The following B4GALT6 variants were observed in gnomAD, a reference collection of about 807,000 sequenced individuals.
The protein encoded by B4GALT6 is UDP-Gal:beta-GlcNAc beta-1,4-galactosyltransferase 6.
Under a neutral mutation model 46.3 loss-of-function variants are expected in B4GALT6, and 14 were observed. The observed-to-expected ratio is 0.30, with a 90% CI of 0.20 to 0.47. The LOEUF (loss-of-function observed/expected upper bound fraction) is 0.47. B4GALT6 is among the 20% of genes least tolerant of loss of function. The pLI is 0.99. For synonymous variants in B4GALT6, 168 were observed against 162.0 expected, an observed-to-expected ratio of 1.04 and a Z score of -0.28; for missense variants, 386 against 480.1, an observed-to-expected ratio of 0.80 and a Z score of 1.83.
chr18:31,635,008 C>T (rs1483837300), intron 5 of B4GALT6, among the ~76,000 whole-genome samples: 4 of 152,018 alleles, frequency 2.6e-5, no homozygotes, highest in Non-Finnish European at 5.9e-5. Context: ...TTTGGGAGGC[C>T]GAGGAGGGTG....
At chr18:31,721,304 G>A in the B4GALT6 span, among the ~76,000 whole-genome samples, 1 of 152,082 alleles carries the variant, frequency 6.6e-6, no homozygotes, top group Non-Finnish European at 1.5e-5. Context: ...CCTGCACGTT[G>A]TGCACATGTA....
chr18:31,693,780 C>T, the B4GALT6 span, among the ~76,000 whole-genome samples: 1 of 151,908 alleles, frequency 6.6e-6, no homozygotes, highest in Non-Finnish European at 1.5e-5. Context: ...CCAGCCTGGG[C>T]AATATAGTGG....
chr18:31,626,896 C>A, intron 7 of B4GALT6, 103 bp downstream of exon 7: 3 of 967,840 alleles, frequency 3.1e-6, no homozygotes, highest in South Asian at 1.8e-5. Flanking sequence ...CAAACATATC[C>A]CATCCCAAAG....
At chr18:31,673,172 A>C (rs955651603) in intron 1 of B4GALT6, among the ~76,000 whole-genome samples, 3 of 152,168 alleles carry the variant, frequency 2.0e-5, no homozygotes, top group Non-Finnish European at 4.4e-5. Context: ...GCAGAGGCTG[A>C]AGTGCACAGG....
intron 5 of B4GALT6, among the ~76,000 whole-genome samples, chr18:31,636,961 C>T (rs980438473): frequency 6.6e-6 from 1 of 152,218 alleles, no homozygotes; most frequent in African/African-American, 2.4e-5. Flanking sequence ...GCTGGGATTA[C>T]AGGTGCCTGC....
intron 1 of B4GALT6, among the ~76,000 whole-genome samples, chr18:31,681,021 A>T (rs1175588250): frequency 6.6e-6 from 1 of 152,056 alleles, no homozygotes; most frequent in Non-Finnish European, 1.5e-5. Context: ...TTCCCACCAC[A>T]TGCCTTCCAA....
At chr18:31,640,991 G>A (rs1414116781) in intron 4 of B4GALT6, among the ~76,000 whole-genome samples, 1 of 152,222 alleles carries the variant, frequency 6.6e-6, no homozygotes, top group African/African-American at 2.4e-5. Flanking sequence ...ATAACATGTA[G>A]CTTAGTAAGT....
intron 4 of B4GALT6, among the ~76,000 whole-genome samples, chr18:31,640,128 C>A (rs2073911448): frequency 6.6e-6 from 1 of 151,982 alleles, no homozygotes; most frequent in Non-Finnish European, 1.5e-5. Flanking sequence ...AACCAAAATA[C>A]CTCTGTGTTA....
intron 1 of B4GALT6, among the ~76,000 whole-genome samples, chr18:31,676,834 C>T (rs1023700236): frequency 6.6e-6 from 1 of 152,140 alleles, no homozygotes; most frequent in Non-Finnish European, 1.5e-5. Context: ...CAGAATCTCC[C>T]ATAAGACCTG....
chr18:31,705,227 C>T, the B4GALT6 span, among the ~76,000 whole-genome samples: 3 of 152,290 alleles, frequency 2.0e-5, no homozygotes, highest in South Asian at 2.1e-4. Flanking sequence ...GGATAATACA[C>T]GTACTTATAC....
chr18:31,716,658 GT>G, the B4GALT6 span, among the ~76,000 whole-genome samples: 1 of 152,192 alleles, frequency 6.6e-6, no homozygotes, highest in African/African-American at 2.4e-5. Flanking sequence ...ATGCCTGGGG[GT>G]GGTGGCAGAA....
chr18:31,633,294 C>T (rs905637658), intron 5 of B4GALT6, among the ~76,000 whole-genome samples: 3 of 152,086 alleles, frequency 2.0e-5, no homozygotes, highest in African/African-American at 7.2e-5. Context: ...GAGGAACACA[C>T]CAGCGATAAA....
At chr18:31,664,691 A>T (rs2074263763) in intron 2 of B4GALT6, among the ~76,000 whole-genome samples, 1 of 152,186 alleles carries the variant, frequency 6.6e-6, no homozygotes, top group Non-Finnish European at 1.5e-5. Flanking sequence ...AAATACACCA[A>T]TTTAAAGATG....
chr18:31,692,053 C>T, the B4GALT6 span, among the ~76,000 whole-genome samples: 1 of 151,496 alleles, frequency 6.6e-6, no homozygotes, highest in East Asian at 1.9e-4. Context: ...CATATTAGGT[C>T]AAAGAAAAAA....
At chr18:31,660,386 G>A (rs1420173201) in intron 2 of B4GALT6, among the ~76,000 whole-genome samples, 1 of 152,066 alleles carries the variant, frequency 6.6e-6, no homozygotes, top group East Asian at 1.9e-4. Context: ...CAATAAGCAT[G>A]AATTGGGTTT....
the B4GALT6 span, among the ~76,000 whole-genome samples, chr18:31,716,384 G>C: frequency 2.0e-5 from 3 of 152,302 alleles, no homozygotes; most frequent in South Asian, 6.2e-4. Context: ...AGTGACAACA[G>C]AGAATGTCTG....
chr18:31,671,451 A>C (rs1379914238), intron 1 of B4GALT6, among the ~76,000 whole-genome samples: 1 of 152,178 alleles, frequency 6.6e-6, no homozygotes, highest in African/African-American at 2.4e-5. Context: ...AACTGGCATG[A>C]GATGGTATCT....
At chr18:31,672,209 C>T (rs999022676) in intron 1 of B4GALT6, among the ~76,000 whole-genome samples, 1 of 152,196 alleles carries the variant, frequency 6.6e-6, no homozygotes, top group Non-Finnish European at 1.5e-5. Context: ...CTGTTCCTAG[C>T]TGCTATGACA....
At chr18:31,688,261 A>ATATATATATATATACACG (rs199674404), upstream of B4GALT6, among the ~76,000 whole-genome samples, 10 of 146,854 alleles carry the variant, frequency 6.8e-5, no homozygotes, top group South Asian at 2.1e-4. Context: ...ATATATATAC[A>ATATATATATATATACACG]TATATATATA....
Sources: allele counts gnomAD v4.1 joint callset (sites outside exome capture counted in the v4.1 genomes callset), GRCh38; gene constraint gnomAD v4.1.1; transcripts MANE v1.5; gene names NCBI Gene and HGNC (gene_info 2026-07-23, HGNC 2026-07-21).